CELF2: variants seen among roughly 807,000 people sequenced by gnomAD.
The protein encoded by CELF2 is CUG triplet repeat RNA-binding protein 2.
A neutral mutation model predicts 62.6 loss-of-function variants in CELF2; 8 were observed. The observed-to-expected ratio is 0.13, with a 90% CI of 0.07 to 0.23. CELF2 has a LOEUF of 0.23. Among genes scored for constraint, CELF2 ranks in the 10% least tolerant of loss-of-function variants. The probability of loss-of-function intolerance (pLI) is 1.00; values close to 1 mark genes in which losing one functional copy is unlikely to be tolerated. For synonymous variants in CELF2, 258 were observed against 250.0 expected, an observed-to-expected ratio of 1.03 and a Z score of -0.30; for missense variants, 333 against 671.0, an observed-to-expected ratio of 0.50 and a Z score of 5.56.
intron 1 of CELF2, among the ~76,000 whole-genome samples, chr10:11,077,006 A>G (rs1056700957): frequency 6.6e-6 from 1 of 152,192 alleles, no homozygotes; most frequent in Admixed American, 6.5e-5. Context: ...TTGCTCTGTC[A>G]TTGACTCCTT....
chr10:11,118,185 T>C (rs962416167), intron 1 of CELF2, among the ~76,000 whole-genome samples: 3 of 152,138 alleles, frequency 2.0e-5, no homozygotes, highest in African/African-American at 7.2e-5. Context: ...AACTGAGGGC[T>C]CATTGCCCAA....
the CELF2 span, among the ~76,000 whole-genome samples, chr10:10,766,396 G>C: frequency 2.6e-5 from 4 of 152,212 alleles, no homozygotes; most frequent in African/African-American, 9.7e-5. Context: ...ATATGGAGTA[G>C]ATCAGTAGGT....
At chr10:10,999,859 C>T (rs1185422691) in intron 2 of CELF2, among the ~76,000 whole-genome samples, 1 of 152,196 alleles carries the variant, frequency 6.6e-6, no homozygotes, top group Admixed American at 6.5e-5. Context: ...AGGTCATATT[C>T]ACATTTGGAT....
upstream of CELF2, among the ~76,000 whole-genome samples, chr10:10,797,370 C>A (rs1301689450): frequency 6.6e-6 from 1 of 151,106 alleles, no homozygotes; most frequent in Non-Finnish European, 1.5e-5. Context: ...CTTAACATTG[C>A]GTAAACTCTC....
the CELF2 span, among the ~76,000 whole-genome samples, chr10:10,684,026 G>T: frequency 2.6e-5 from 4 of 151,962 alleles, no homozygotes; most frequent in African/African-American, 7.3e-5. Flanking sequence ...AAAATCGCAC[G>T]TACTTTCTGT....
rs1243205307 is a variant in CELF2, at chr10:11,306,540, C to G, written c.977-7599C>G. Among the ~76,000 whole-genome samples the G allele has an allele frequency of 6.6e-6, 1 of 152,046 alleles. No individual in the cohort carries two copies. Among genetic ancestry groups the G allele is most frequent in the African/African-American group, 2.4e-5 (1 of 41,406 alleles). On this transcript the variant is annotated intron_variant, in intron 9 of 12. Transcript: ENST00000633077. The surrounding 1 kb of genome is among the most constrained non-coding windows in gnomAD (Gnocchi z 4.4). Reference sequence around the variant, plus strand: ...GGCTGTGTGACAAATTGGAGTTTTTCTTATGCTTTAAATTATTTGTTAACA... The same window carrying G: ...GGCTGTGTGACAAATTGGAGTTTTTGTTATGCTTTAAATTATTTGTTAACA...
Position 10,831,903 on chromosome 10 carries a change from C to T in CELF2, c.53+33086C>T, listed in dbSNP as rs569986005. 4.6e-5 allele frequency among the ~76,000 whole-genome samples: 7 copies of T among 152,080 alleles called. No homozygotes were observed. The South Asian group carries it at 1.2e-3, about 27-fold the overall frequency. ...ACGAGAATCACTTGGACCCGGGAGG[C>T]GGAGGTTGCAGTGAACCAAGATTGC... On this transcript the variant is annotated intron_variant, in intron 1 of 13. Transcript: ENST00000636488.
the CELF2 span, among the ~76,000 whole-genome samples, chr10:10,557,349 T>A: frequency 6.6e-6 from 1 of 151,912 alleles, no homozygotes; most frequent in Admixed American, 6.5e-5. Context: ...GTTGTGGATA[T>A]GTGGCGTTAT....
intron 5 of CELF2, among the ~76,000 whole-genome samples, chr10:11,258,552 A>G (rs1222194954): frequency 6.6e-6 from 1 of 152,134 alleles, no homozygotes; most frequent in Non-Finnish European, 1.5e-5. Flanking sequence ...ATAGTTGGAA[A>G]TCACTGTTGT....
At chr10:10,486,231 T>A in the CELF2 span, among the ~76,000 whole-genome samples, 1 of 152,150 alleles carries the variant, frequency 6.6e-6, no homozygotes, top group Non-Finnish European at 1.5e-5. Flanking sequence ...AATCAACAGA[T>A]AATACAAACA....
At chr10:10,520,739 G>A in the CELF2 span, among the ~76,000 whole-genome samples, 1 of 152,078 alleles carries the variant, frequency 6.6e-6, no homozygotes, top group East Asian at 1.9e-4. Context: ...AAAGGAGAAT[G>A]TAGACCCGCT....
chr10:10,656,737 G>A, the CELF2 span, among the ~76,000 whole-genome samples: 2 of 88,818 alleles, frequency 2.3e-5, no homozygotes, highest in Non-Finnish European at 4.4e-5. Flanking sequence ...CGGGGGAGGG[G>A]GGAGGGATAG....
chr10:10,535,692 C>A, the CELF2 span, among the ~76,000 whole-genome samples: 1 of 152,132 alleles, frequency 6.6e-6, no homozygotes, highest in Non-Finnish European at 1.5e-5. Flanking sequence ...GCACTCCAGC[C>A]TGGGCGACAG....
At chr10:10,656,199 A>G in the CELF2 span, among the ~76,000 whole-genome samples, 1 of 149,244 alleles carries the variant, frequency 6.7e-6, no homozygotes, top group Non-Finnish European at 1.5e-5. Flanking sequence ...TAGAATGACA[A>G]TCATTAAAAA....
chr10:10,821,426 G>A (rs2056952537), intron 1 of CELF2, among the ~76,000 whole-genome samples: 1 of 152,172 alleles, frequency 6.6e-6, no homozygotes, highest in Non-Finnish European at 1.5e-5. Flanking sequence ...AGTCACCAGT[G>A]GGTCATTGCC....
At chr10:10,973,372 C>T (rs938217373) in intron 2 of CELF2, among the ~76,000 whole-genome samples, 1 of 152,154 alleles carries the variant, frequency 6.6e-6, no homozygotes, top group Non-Finnish European at 1.5e-5. Flanking sequence ...CCACGCCTGA[C>T]ATCCCACCTC....
intron 1 of CELF2, among the ~76,000 whole-genome samples, chr10:10,811,055 A>C (rs1459652165): frequency 1.3e-5 from 2 of 152,148 alleles, no homozygotes; most frequent in East Asian, 3.9e-4. Flanking sequence ...CTGTGCTCCT[A>C]CAGACATGTG....
intron 8 of CELF2, among the ~76,000 whole-genome samples, chr10:11,283,466 T>C (rs2089725281): frequency 6.6e-6 from 1 of 152,094 alleles, no homozygotes; most frequent in African/African-American, 2.4e-5. Context: ...GATGGGTAGA[T>C]AGATGGATGG....
At position 10,843,213 on chromosome 10, in the gene CELF2, A is replaced by G. The variant is rs11256859; in HGVS notation, c.53+44396A>G. Among the ~76,000 whole-genome samples the G allele has an allele frequency of 7.9e-4, 120 of 152,200 alleles. 5 individuals are homozygous for G. In the East Asian group the frequency reaches 0.021, roughly 26 times the overall value. ...AACAGAAAAACAACAAAGAAAATCAATATAACAAAAGGTGGTTATTAATCT... is the reference window on the plus strand; with the variant it reads ...AACAGAAAAACAACAAAGAAAATCAGTATAACAAAAGGTGGTTATTAATCT... On this transcript the variant is annotated intron_variant, in intron 1 of 13. Transcript: ENST00000636488.
Sources: gnomAD v4.1 joint callset for allele counts (sites outside exome capture counted in the v4.1 genomes callset) on GRCh38, gnomAD v4.1.1 for gene constraint, Gnocchi (gnomAD v3.1) non-coding constraint, MANE v1.5 for transcripts, NCBI Gene and HGNC (gene_info 2026-07-23, HGNC 2026-07-21) for gene names.